Variants in MMP16 observed in about 807,000 individuals in gnomAD.
The protein encoded by MMP16 is matrix metalloproteinase-16.
MMP16 carries 12 observed loss-of-function variants against 67.8 expected under a neutral mutation model. The observed-to-expected ratio is 0.18, with a 90% confidence interval of 0.11 to 0.29. The LOEUF (loss-of-function observed/expected upper bound fraction) is 0.29. MMP16 is among the 10% of genes least tolerant of loss of function. The pLI, the probability that MMP16 is intolerant of heterozygous loss-of-function variation, is 1.00. For missense variants in MMP16, 475 were observed against 765.7 expected, an observed-to-expected ratio of 0.62 and a Z score of 4.48; for synonymous variants, 249 against 255.9, an observed-to-expected ratio of 0.97 and a Z score of 0.26.
intron 4 of MMP16, 90 bp from the exon 5 acceptor site, chr8:88,118,951 A>G: frequency 8.0e-7 from 1 of 1,246,072 alleles, no homozygotes; most frequent in South Asian, 1.3e-5. Flanking sequence ...CATTTTACCC[A>G]AGAAAAATAG....
intron 1 of MMP16, among the ~76,000 whole-genome samples, chr8:88,229,002 T>TAA (rs60354360): frequency 2.1e-5 from 3 of 145,098 alleles, no homozygotes; most frequent in Admixed American, 6.9e-5. Context: ...TCTATGAAAA[T>TAA]AAAAAAAAAA....
At chr8:88,113,745 C>T (rs1021284260) in intron 6 of MMP16, among the ~76,000 whole-genome samples, 1 of 152,030 alleles carries the variant, frequency 6.6e-6, no homozygotes, top group Non-Finnish European at 1.5e-5. Context: ...ACAAGTGGAA[C>T]ATCTGTATGA....
At chr8:88,112,767 T>C (rs553595377) in intron 6 of MMP16, among the ~76,000 whole-genome samples, 3 of 151,648 alleles carry the variant, frequency 2.0e-5, no homozygotes, top group African/African-American at 7.2e-5. Flanking sequence ...AATAAATGGA[T>C]GCCTGGAAAG....
chr8:88,048,396 C>T (rs545030219), intron 8 of MMP16, among the ~76,000 whole-genome samples: 7 of 151,756 alleles, frequency 4.6e-5, no homozygotes, highest in African/African-American at 1.7e-4. Flanking sequence ...CATTATTGTC[C>T]ATGTATTTTA....
chr8:88,271,967 G>T (rs1157273195), intron 1 of MMP16, among the ~76,000 whole-genome samples: 2 of 152,222 alleles, frequency 1.3e-5, no homozygotes, highest in Non-Finnish European at 2.9e-5. Context: ...TACCAGCTAA[G>T]AGATATTTAA....
At chr8:88,296,809 C>A (rs1238407161) in intron 1 of MMP16, among the ~76,000 whole-genome samples, 3 of 149,606 alleles carry the variant, frequency 2.0e-5, no homozygotes, top group African/African-American at 7.4e-5. Context: ...CGCACCACTG[C>A]ACTCCAGCCT....
intron 4 of MMP16, among the ~76,000 whole-genome samples, chr8:88,162,335 A>C (rs1201142052): frequency 6.6e-6 from 1 of 152,042 alleles, no homozygotes; most frequent in African/African-American, 2.4e-5. Context: ...AAAAAGGAAA[A>C]AAGTCATGTT....
chr8:88,227,557 G>A (rs1809790080), intron 1 of MMP16, among the ~76,000 whole-genome samples: 1 of 151,952 alleles, frequency 6.6e-6, no homozygotes, highest in Non-Finnish European at 1.5e-5. Context: ...CTTTCCTCTT[G>A]TCAAGGCTCA....
chr8:88,131,164 A>C (rs1361633415), intron 4 of MMP16, among the ~76,000 whole-genome samples: 1 of 151,708 alleles, frequency 6.6e-6, no homozygotes, highest in African/African-American at 2.4e-5. Context: ...GGCTTGGTGT[A>C]AATAACTTAA....
At chr8:88,083,407 T>C (rs552098702) in intron 6 of MMP16, among the ~76,000 whole-genome samples, 36 of 152,056 alleles carry the variant, frequency 2.4e-4, no homozygotes, top group African/African-American at 8.4e-4. Flanking sequence ...CCTGGAACAA[T>C]TGCGACAAAG....
At chr8:88,151,304 C>T (rs984903688) in intron 4 of MMP16, among the ~76,000 whole-genome samples, 7 of 148,712 alleles carry the variant, frequency 4.7e-5, no homozygotes, top group African/African-American at 1.7e-4. Context: ...GACAGATCAA[C>T]CAGACAGAAA....
At chr8:88,161,403 T>A (rs1325344201) in intron 4 of MMP16, among the ~76,000 whole-genome samples, 7 of 152,208 alleles carry the variant, frequency 4.6e-5, no homozygotes, top group South Asian at 2.1e-4. Flanking sequence ...ATCCCCTTTA[T>A]CATTTTTTTA....
In MMP16 at chr8:88,131,113, A is replaced by G. The variant is rs1188375419; in HGVS notation, c.710-12252T>C. Among the ~76,000 whole-genome samples, 2 of 151,718 alleles carry G rather than the reference A, an allele frequency of 1.3e-5. 1 individual carries two copies. Among genetic ancestry groups the G allele is most frequent in the Non-Finnish European group, 2.9e-5 (2 of 67,830 alleles). On this transcript the variant is annotated intron_variant, in intron 4 of 9. Transcript: ENST00000286614. ...AGACTCTTCATACAAAAATCTTTTAAGGTAGACGTAATCACCCCAGATAGC... is the reference window on the plus strand; with the variant it reads ...AGACTCTTCATACAAAAATCTTTTAGGGTAGACGTAATCACCCCAGATAGC...
chr8:88,293,122 A>G (rs1810952389), intron 1 of MMP16, among the ~76,000 whole-genome samples: 1 of 152,222 alleles, frequency 6.6e-6, no homozygotes. Flanking sequence ...ATTTTTGGTT[A>G]TATCATTATC....
chr8:88,270,591 T>C (rs1016116050), intron 1 of MMP16, among the ~76,000 whole-genome samples: 1 of 152,194 alleles, frequency 6.6e-6, no homozygotes, highest in African/African-American at 2.4e-5. Flanking sequence ...TTCCCAGTAG[T>C]AAGCAAAAGA....
intron 1 of MMP16, among the ~76,000 whole-genome samples, chr8:88,326,332 C>T (rs1811536966): frequency 6.6e-6 from 1 of 152,134 alleles, no homozygotes; most frequent in East Asian, 1.9e-4. Context: ...CCGTCTGTTC[C>T]CAAAGCTATC....
chr8:88,131,794 C>A (rs568137627), intron 4 of MMP16, among the ~76,000 whole-genome samples: 2 of 151,998 alleles, frequency 1.3e-5, no homozygotes, highest in South Asian at 2.1e-4. Flanking sequence ...ACCCCTCTCA[C>A]TTTCTTCATT....
intron 7 of MMP16, among the ~76,000 whole-genome samples, chr8:88,070,789 G>A (rs1020332576): frequency 6.6e-5 from 10 of 152,120 alleles, no homozygotes; most frequent in Middle Eastern, 6.8e-3. Flanking sequence ...AGGATTCAAT[G>A]TCCTCTGTTT....
chr8:88,161,080 T>G (rs1391665028), intron 4 of MMP16, among the ~76,000 whole-genome samples: 17 of 152,222 alleles, frequency 1.1e-4, no homozygotes, highest in Admixed American at 1.1e-3. Flanking sequence ...TTAGGGAGGA[T>G]TCCCTCTTTT....
Sources: allele counts gnomAD v4.1 joint callset (sites outside exome capture counted in the v4.1 genomes callset), GRCh38; gene constraint gnomAD v4.1.1; transcripts MANE v1.5; gene names NCBI Gene and HGNC (gene_info 2026-07-23, HGNC 2026-07-21).